USP38: variants seen among roughly 807,000 people sequenced by gnomAD.
USP38 encodes the protein ubiquitin carboxyl-terminal hydrolase 38.
A neutral mutation model predicts 94.3 loss-of-function variants in USP38; 49 were observed. The observed-to-expected ratio is 0.52, with a 90% CI of 0.41 to 0.66. USP38 has a LOEUF of 0.66. USP38 is among the 30% of genes least tolerant of loss of function. USP38 has a pLI of 0.00. For synonymous variants in USP38, 468 were observed against 463.6 expected (o/e 1.01, Z -0.12); for missense variants, 1,128 against 1,229.4 (o/e 0.92, Z 1.23).
chr4:143,201,875 C>T (rs190044707), intron 4 of USP38, among the ~76,000 whole-genome samples: 1 of 151,994 alleles, frequency 6.6e-6, no homozygotes, highest in African/African-American at 2.4e-5. Context: ...AAGTAATAGC[C>T]TGCTTGGAAG....
At chr4:143,187,758 A>C in intron 1 of USP38, 68 bp from the exon 2 acceptor site, 1 of 1,481,904 alleles carries the variant, frequency 6.7e-7, no homozygotes, top group Non-Finnish European at 9.0e-7. Context: ...TTTTTTGTAA[A>C]GTGTTGTTCT....
At position 143,184,945 on chromosome 4, in the gene USP38, C is replaced by A; in HGVS notation, c.-506C>A. The A allele has an allele frequency of 6.5e-6, 1 of 153,734 alleles. No individual in the cohort carries two copies. Among genetic ancestry groups the A allele is most frequent in the Non-Finnish European group, 1.4e-5 (1 of 69,174 alleles). The allele number at this position is 153,734 out of a possible 1,614,324, so 9.5% of individuals were successfully genotyped here. A position where few individuals can be genotyped will look rare whatever the true frequency, so the allele number is the denominator to read the frequency against. On this transcript the variant is annotated 5_prime_UTR_variant, in exon 1 of 10. Coordinates refer to ENST00000307017, the MANE Select transcript of USP38 (RefSeq NM_032557.6). ...TCAAAATCCGGGTCAAAGGGTGTCG[C>A]TTCGGTCTCTTCTCCCCGGCTGATC...
chr4:143,220,243 C>A, intron 9 of USP38, 52 bp from the exon 10 acceptor site: 1 of 1,511,770 alleles, frequency 6.6e-7, no homozygotes, highest in Non-Finnish European at 8.9e-7. Context: ...GGTGATATAA[C>A]GATCCATTGT....
chr4:143,219,571 C>A (rs1186410685), intron 9 of USP38, among the ~76,000 whole-genome samples: 1 of 151,860 alleles, frequency 6.6e-6, no homozygotes, highest in Non-Finnish European at 1.5e-5. Flanking sequence ...TTATTTTTAC[C>A]AACCCCATTT....
rs34511898 is a variant in USP38 at position 143,214,872 on chromosome 4, A to G, written c.2896A>G (p.Ile966Val). ...SGNNPTSGLW[I>V]NGDPPLQKEL... ...TAATAACCCAACCAGTGGACTCTGG[A>G]TAAATGGAGACCCACCTCTACAGAA... Residue 966 changes from isoleucine to valine, a missense_variant, in exon 9 of 10, where the codon ATA becomes GTA. Physicochemically the swap from Ile to Val is conservative, Grantham distance 29. Transcript: ENST00000307017. 6.6e-4 allele frequency: 1,057 copies of G among 1,613,558 alleles called. 11 individuals carry two copies. The Middle Eastern group carries it at 9.4e-3, about 14-fold the overall frequency.
intron 7 of USP38, among the ~76,000 whole-genome samples, chr4:143,211,030 C>T (rs1029162297): frequency 7.9e-5 from 12 of 151,800 alleles, no homozygotes; most frequent in Admixed American, 1.3e-4. Context: ...CCTGTTGTTT[C>T]CTAGTAAATT....
rs921477903 is a variant in USP38, at chr4:143,213,967, C to T, written c.1991C>T (p.Thr664Ile). 1 of 1,613,594 alleles carries T rather than the reference C, an allele frequency of 6.2e-7. No homozygotes were observed. The highest frequency in any genetic ancestry group is 8.5e-7 in the Non-Finnish European group (1 of 1,179,796). ...GAACCAGTAGTTTATAATCCAACAA[C>T]AGCTGCCTTCATCTGTGACTCACTT... ...SEEPVVYNPT[T>I]AAFICDSLVN... The change falls in exon 9 of 10, where the codon ACA becomes ATA. Residue 664 changes from threonine (T) to isoleucine (I), a missense_variant. Coordinates refer to ENST00000307017, the MANE Select transcript of USP38 (RefSeq NM_032557.6).
Position 143,213,581 on chromosome 4 carries a change from G to A in USP38, c.1605G>A (p.Arg535=). 1 of 1,594,784 alleles carries A rather than the reference G, an allele frequency of 6.3e-7. No individual in the cohort carries two copies. Among genetic ancestry groups the A allele is most frequent in the Non-Finnish European group, 8.5e-7 (1 of 1,173,042 alleles). The part of the protein sequence containing the change: ...CSEYLRFLLD[R]LHEEEKILKV... ...TATATAATGATATCCTCTGCTGCAG[G>A]CTCCATGAAGAAGAAAAGATCTTGA... Residue 535 remains arginine (R), a splice_region_variant and synonymous_variant, in exon 9 of 10, where the codon AGG becomes AGA. Transcript: ENST00000307017.
intron 4 of USP38, among the ~76,000 whole-genome samples, chr4:143,199,458 A>G (rs891112968): frequency 7.9e-5 from 12 of 152,064 alleles, no homozygotes; most frequent in African/African-American, 2.9e-4. Flanking sequence ...ATGTGCATGT[A>G]TCTTTATGGT....
Position 143,220,375 on chromosome 4 carries a change from C to T in USP38, c.3048C>T (p.Asp1016=). 1 of 1,613,466 alleles carries T rather than the reference C, an allele frequency of 6.2e-7. No homozygotes were observed. Among genetic ancestry groups the T allele is most frequent in the Non-Finnish European group, 8.5e-7 (1 of 1,179,646 alleles). ...SCSFRPNGFD[D]NDPPGSCGPT... The stretch of plus-strand genomic sequence containing the variant: ...CATTTCGGCCCAATGGATTTGATGA[C>T]AACGACCCACCAGGAAGCTGTGGAC... Residue 1016 remains aspartate (D), a synonymous_variant, in exon 10 of 10, where the codon GAC becomes GAT. Transcript: ENST00000307017.
intron 3 of USP38, among the ~76,000 whole-genome samples, chr4:143,197,177 C>T (rs1731576923): frequency 6.6e-6 from 1 of 152,226 alleles, no homozygotes; most frequent in Non-Finnish European, 1.5e-5. Flanking sequence ...GGCCTCAAGG[C>T]CTTTGCAATG....
chr4:143,209,072 T>G lies in USP38; in HGVS notation c.1404-492T>G, dbSNP rs1731953274. ...GTGTTTTAATGACAGCATATTTTTT[T>G]ATTTCATGAAGATTTGAAAGAATTT... On this transcript the variant is annotated intron_variant, in intron 6 of 9. Transcript: ENST00000307017. 2.1e-5 allele frequency among the ~76,000 whole-genome samples: 3 copies of G among 145,780 alleles called. No homozygotes were observed. In the Admixed American group the frequency reaches 2.1e-4, roughly 10 times the overall value.
At chr4:143,190,796 T>C (rs559716775) in intron 2 of USP38, among the ~76,000 whole-genome samples, 1 of 152,088 alleles carries the variant, frequency 6.6e-6, no homozygotes, top group African/African-American at 2.4e-5. Context: ...ACTTTTCTTA[T>C]GTCAACCATG....
chr4:143,185,475 G>C lies in USP38; in HGVS notation c.25G>C (p.Val9Leu). 6.3e-7 allele frequency: 1 copy of C among 1,599,908 alleles called. No individual in the cohort carries two copies. The highest frequency in any genetic ancestry group is 8.5e-7 in the Non-Finnish European group (1 of 1,172,272). The change falls in exon 1 of 10, where the codon GTG (valine) becomes CTG (leucine). Residue 9 changes from valine (V) to leucine (L), a missense_variant. By Grantham distance (32) the Val-to-Leu change is conservative. Coordinates refer to ENST00000307017, the MANE Select transcript of USP38 (RefSeq NM_032557.6). The part of the protein sequence containing the change: MDKILEGL[V>L]SSSHPLPLKR... ...AATGGACAAGATCCTGGAGGGCCTT[G>C]TGAGTTCCTCGCATCCCCTGCCCCT... is the stretch of plus-strand genomic sequence containing the variant.
Position 143,203,511 on chromosome 4 carries a change from TG to T in USP38, c.1155del (p.Met385IlefsTer18). The part of the protein sequence containing the change: ...VQLTELIHCM[M>X]YHYSGFPDLY... ...TTAACAGAATTGATACACTGTATGA[TG>T]TATCATTATTCTGGATTTCCAGATC... On this transcript the variant is annotated frameshift_variant, in exon 5 of 10. Transcript: ENST00000307017. LOFTEE classifies it high-confidence loss of function. 6.2e-7 allele frequency: 1 copy of T among 1,613,260 alleles called. No homozygotes were observed.
In USP38 at chr4:143,185,714, C is replaced by G. The variant is rs1032089906; in HGVS notation, c.264C>G (p.Leu88=). The change falls in exon 1 of 10, where the codon CTC becomes CTG. Residue 88 remains leucine, a synonymous_variant. Coordinates refer to ENST00000307017, the MANE Select transcript of USP38 (RefSeq NM_032557.6). ...SFFNKTFVLG[L]LHQGYHSLDR... ...TCAACAAGACCTTCGTGTTGGGCCT[C>G]CTTCATCAGGGCTACCACTCTCTGG... 3.7e-6 allele frequency: 6 copies of G among 1,614,060 alleles called. No individual in the cohort carries two copies. In the Admixed American group the frequency reaches 5.0e-5, roughly 13 times the overall value.
In USP38 at chr4:143,185,894, C is replaced by G. The variant is rs138043398; in HGVS notation, c.444C>G (p.Ser148Arg). The G allele has an allele frequency of 1.6e-5, 26 of 1,614,026 alleles. No homozygotes were observed. The highest frequency in any genetic ancestry group is 2.0e-5 in the Non-Finnish European group (24 of 1,180,028). ...RPEPQLCARL[S>R]DLLTDFVQCI... ...AGCCGCAGCTCTGTGCCCGACTGAG[C>G]GACCTTCTGACCGACTTTGTGCAAT... Residue 148 changes from serine to arginine, a missense_variant, in exon 1 of 10, where the codon AGC becomes AGG. By Grantham distance (110) the Ser-to-Arg change is moderately radical. Transcript: ENST00000307017.
At chr4:143,188,316 T>C (rs1430567945) in intron 2 of USP38, among the ~76,000 whole-genome samples, 2 of 152,106 alleles carry the variant, frequency 1.3e-5, no homozygotes, top group African/African-American at 4.8e-5. Flanking sequence ...TTAGTAAGTA[T>C]ATACTTTACT....
Position 143,206,101 on chromosome 4 carries a change from C to T in USP38, c.1278C>T (p.Ser426=), listed in dbSNP as rs1195744568. 5 of 1,613,530 alleles carry T rather than the reference C, an allele frequency of 3.1e-6. No homozygotes were observed. Among genetic ancestry groups the T allele is most frequent in the Non-Finnish European group, 4.2e-6 (5 of 1,179,782 alleles). Residue 426 remains serine (S), a synonymous_variant, in exon 6 of 10, where the codon TCC becomes TCT. Transcript: ENST00000307017. The part of the protein sequence containing the change: ...ILNQSAWTSQ[S]NSLASCLSRL... Reference sequence around the variant, plus strand: ...ATCAAAGTGCCTGGACTTCTCAATCCAATTCTTTGGCGTCTTGCTTGTCTA... The same window carrying T: ...ATCAAAGTGCCTGGACTTCTCAATCTAATTCTTTGGCGTCTTGCTTGTCTA...
Sources: gnomAD v4.1 joint callset for allele counts (sites outside exome capture counted in the v4.1 genomes callset) on GRCh38, gnomAD v4.1.1 for gene constraint, MANE v1.5 for transcripts, NCBI Gene and HGNC (gene_info 2026-07-23, HGNC 2026-07-21) for gene names.